SH3YL1: variants seen among roughly 807,000 people sequenced by gnomAD.
SH3YL1 encodes the protein SH3 and SYLF domain containing 1, also known as SH3 domain-containing YSC84-like protein 1.
A neutral mutation model predicts 45.8 loss-of-function variants in SH3YL1; 41 were observed. The ratio of observed to expected loss-of-function variants is 0.89; its 90% confidence interval spans 0.70 to 1.16. The LOEUF (loss-of-function observed/expected upper bound fraction) is 1.16. Ranked by LOEUF, SH3YL1 falls within the 50% of genes most tolerant of loss-of-function variation. The pLI is 0.00. For synonymous variants in SH3YL1, 152 were observed against 151.4 expected (o/e 1.00, Z -0.03); for missense variants, 389 against 409.6 (o/e 0.95, Z 0.43).
intron 4 of SH3YL1, chr2:241,567 G>A (rs897378027): frequency 2.0e-5 from 3 of 152,078 alleles, no homozygotes; most frequent in Non-Finnish European, 4.4e-5. Flanking sequence ...ATTCTGAGTA[G>A]AATAAATGTA....
intron 2 of SH3YL1, 92 bp downstream of exon 2, chr2:252,913 G>T: frequency 2.8e-6 from 2 of 723,182 alleles, no homozygotes; most frequent in Non-Finnish European, 4.6e-6. Context: ...CATTGATGGA[G>T]GCTTCTGCCT....
chr2:225,628 A>C (rs1209992266), intron 8 of SH3YL1, among the ~76,000 whole-genome samples: 2 of 152,256 alleles, frequency 1.3e-5, no homozygotes, highest in Non-Finnish European at 2.9e-5. Context: ...GGGATGGGAA[A>C]AGGATACAAA....
chr2:236,893 C>A (rs1484199760), intron 4 of SH3YL1, among the ~76,000 whole-genome samples: 1 of 152,158 alleles, frequency 6.6e-6, no homozygotes, highest in Non-Finnish European at 1.5e-5. Context: ...ATAAAATACA[C>A]TTCAGATCTG....
At chr2:262,305 G>A (rs1669616232) in intron 1 of SH3YL1, 1 of 189,856 alleles carries the variant, frequency 5.3e-6, no homozygotes, top group African/African-American at 2.3e-5. Context: ...TAACTCCCTA[G>A]TCAAACTTTC....
At chr2:235,243 A>T (rs951874298) in intron 4 of SH3YL1, among the ~76,000 whole-genome samples, 1 of 152,276 alleles carries the variant, frequency 6.6e-6, no homozygotes, top group African/African-American at 2.4e-5. Flanking sequence ...AAGGCAGGTC[A>T]ACACAGTGAA....
intron 7 of SH3YL1, 34 bp from the exon 8 acceptor site, chr2:230,078 T>A: frequency 6.5e-7 from 1 of 1,533,562 alleles, no homozygotes. Context: ...ACACATAATT[T>A]TAAAATCTTG....
chr2:245,441 T>C (rs1431955773), intron 4 of SH3YL1, among the ~76,000 whole-genome samples: 1 of 152,214 alleles, frequency 6.6e-6, no homozygotes, highest in Non-Finnish European at 1.5e-5. Flanking sequence ...ATGAAGAAGA[T>C]ATTAAAAATA....
chr2:245,841 CAAT>C (rs567994665), intron 4 of SH3YL1, among the ~76,000 whole-genome samples: 45 of 151,976 alleles, frequency 3.0e-4, no homozygotes, highest in African/African-American at 1.0e-3. Context: ...GTTAACAAAA[CAAT>C]AAACTATTGA....
chr2:255,515 T>C (rs1024794480), intron 1 of SH3YL1, among the ~76,000 whole-genome samples: 1 of 152,160 alleles, frequency 6.6e-6, no homozygotes, highest in Non-Finnish European at 1.5e-5. Context: ...GAAGATCACT[T>C]GAACTCAGGA....
At chr2:262,294 T>G (rs2103063330) in intron 1 of SH3YL1, 1 of 188,006 alleles carries the variant, frequency 5.3e-6, no homozygotes, top group Non-Finnish European at 1.1e-5. Flanking sequence ...GGTCAGATCA[T>G]TAACTCCCTA....
chr2:238,290 T>C (rs1357379923), intron 4 of SH3YL1, among the ~76,000 whole-genome samples: 3 of 151,454 alleles, frequency 2.0e-5, no homozygotes, highest in Non-Finnish European at 4.4e-5. Context: ...TGTGTGTGTG[T>C]GTGTGTGTGT....
At chr2:261,407 G>GT (rs2103062362) in intron 1 of SH3YL1, 1 of 152,032 alleles carries the variant, frequency 6.6e-6, no homozygotes, top group East Asian at 1.9e-4. Context: ...AAATATTTAA[G>GT]TTTTTTCTAA....
chr2:241,444 G>A (rs1668538472), intron 4 of SH3YL1: 2 of 152,060 alleles, frequency 1.3e-5, no homozygotes, highest in Non-Finnish European at 2.9e-5. Context: ...TGTGATGTAA[G>A]TACTAGAAGG....
chr2:264,526 T>A (rs952107461), upstream of SH3YL1: 1 of 170,452 alleles, frequency 5.9e-6, no homozygotes, highest in Non-Finnish European at 1.2e-5. Flanking sequence ...CCCCGTCCCC[T>A]ATAGGTAACC....
intron 8 of SH3YL1, among the ~76,000 whole-genome samples, chr2:229,660 C>T (rs1007829213): frequency 1.5e-5 from 2 of 134,504 alleles, no homozygotes; most frequent in South Asian, 2.4e-4. Flanking sequence ...ACCCGGGAGG[C>T]GGAGCTTGCA....
chr2:250,576 C>T (rs1196970205), intron 2 of SH3YL1, among the ~76,000 whole-genome samples: 1 of 152,110 alleles, frequency 6.6e-6, no homozygotes, highest in Non-Finnish European at 1.5e-5. Flanking sequence ...ACAATAACAC[C>T]TCATTCAAAC....
chr2:259,727 T>C (rs889594288), intron 1 of SH3YL1: 11 of 151,256 alleles, frequency 7.3e-5, no homozygotes, highest in African/African-American at 2.7e-4. Flanking sequence ...AAATTTAGTA[T>C]ATAATAAAAA....
At chr2:242,652 A>G in intron 4 of SH3YL1, 1 of 1,100,132 alleles carries the variant, frequency 9.1e-7, no homozygotes, top group African/African-American at 1.6e-5. Flanking sequence ...AAATCCAATG[A>G]TATCAATAAT....
chr2:247,644 C>A lies in SH3YL1; in HGVS notation c.227-42G>T, dbSNP rs1668886136. On this transcript the variant is annotated intron_variant, in intron 3 of 9. Coordinates refer to ENST00000356150, the MANE Select transcript of SH3YL1 (RefSeq NM_015677.4). ...CGAACGTTATCCTAACATTAAAACACCCTCGACATGTAAATATAGGAAGGA... is the reference window on the plus strand; with the variant it reads ...CGAACGTTATCCTAACATTAAAACAACCTCGACATGTAAATATAGGAAGGA... 7 of 1,460,958 alleles carry A rather than the reference C, an allele frequency of 4.8e-6. No homozygotes were observed. The East Asian group carries it at 1.7e-4, about 36-fold the overall frequency. 90.5% of individuals were successfully genotyped at this position (1,460,958 alleles called of 1,614,324 possible).
Sources: gnomAD v4.1 joint callset for allele counts (sites outside exome capture counted in the v4.1 genomes callset) on GRCh38, gnomAD v4.1.1 for gene constraint, MANE v1.5 for transcripts, NCBI Gene and HGNC (gene_info 2026-07-23, HGNC 2026-07-21) for gene names.